Variants in PXDNL observed in about 807,000 individuals in gnomAD.
The protein encoded by PXDNL is peroxidasin like.
PXDNL carries 145 observed loss-of-function variants against 150.8 expected under a neutral mutation model. That is an observed-to-expected ratio of 0.96 (90% CI 0.84 to 1.10). The LOEUF (loss-of-function observed/expected upper bound fraction) is 1.10. PXDNL is among the 50% of genes least tolerant of loss of function. The probability of loss-of-function intolerance (pLI) is 0.00; values close to 1 mark genes in which losing one functional copy is unlikely to be tolerated. For synonymous variants in PXDNL, 757 were observed against 725.7 expected (o/e 1.04, Z -0.69); for missense variants, 2,087 against 1,873.9 (o/e 1.11, Z -2.10).
intron 7 of PXDNL, among the ~76,000 whole-genome samples, chr8:51,474,607 A>T (rs905405566): frequency 6.6e-6 from 1 of 152,158 alleles, no homozygotes; most frequent in Non-Finnish European, 1.5e-5. Context: ...TAAAGTTGAA[A>T]CCCCTAAATT....
rs192753389 is a variant in PXDNL at position 51,390,901 on chromosome 8, C to T, written c.3558-16170G>A. On this transcript the variant is annotated intron_variant, in intron 17 of 22. Coordinates refer to ENST00000356297, the MANE Select transcript of PXDNL (RefSeq NM_144651.5). ...CTAATGCTATCCCTCCCCCCTCCTCCGACCCCACAACAGTCCCCAGAGTGT... is the reference window on the plus strand; with the variant it reads ...CTAATGCTATCCCTCCCCCCTCCTCTGACCCCACAACAGTCCCCAGAGTGT... 7.2e-5 allele frequency among the ~76,000 whole-genome samples: 11 copies of T among 152,124 alleles called. No homozygotes were observed. In the East Asian group the frequency reaches 1.5e-3, roughly 21 times the overall value.
At chr8:51,575,170 A>C (rs1813023652) in intron 3 of PXDNL, among the ~76,000 whole-genome samples, 1 of 152,002 alleles carries the variant, frequency 6.6e-6, no homozygotes, top group Admixed American at 6.6e-5. Flanking sequence ...TTTATACTTA[A>C]ATAGAATGAT....
chr8:51,800,052 A>C (rs562503329), intron 1 of PXDNL, among the ~76,000 whole-genome samples: 1 of 152,296 alleles, frequency 6.6e-6, no homozygotes, highest in East Asian at 1.9e-4. Flanking sequence ...AGTAGTCATC[A>C]ACACAGGTGA....
intron 17 of PXDNL, among the ~76,000 whole-genome samples, chr8:51,399,792 C>T (rs968167750): frequency 2.0e-5 from 3 of 152,172 alleles, no homozygotes; most frequent in East Asian, 1.9e-4. Flanking sequence ...GATTTAAAGA[C>T]GAAATGCATT....
chr8:51,657,429 T>C (rs189667662), intron 1 of PXDNL, among the ~76,000 whole-genome samples: 1 of 152,366 alleles, frequency 6.6e-6, no homozygotes, highest in Admixed American at 6.5e-5. Context: ...GTTCCTTGTC[T>C]ACACATAAAG....
intron 17 of PXDNL, among the ~76,000 whole-genome samples, chr8:51,403,454 C>G: frequency 6.6e-6 from 1 of 152,138 alleles, no homozygotes; most frequent in Non-Finnish European, 1.5e-5. Flanking sequence ...GTTCCATGTA[C>G]AATTCCACTT....
intron 3 of PXDNL, among the ~76,000 whole-genome samples, chr8:51,577,995 G>GAAAGAAAGAAAGAA: frequency 2.1e-5 from 1 of 47,876 alleles, no homozygotes; most frequent in South Asian, 6.9e-4. Context: ...AAGAAAGAAA[G>GAAAGAAAGAAAGAA]AAAGAGGAAG....
chr8:51,568,926 T>C (rs548232747), intron 3 of PXDNL, among the ~76,000 whole-genome samples: 2 of 152,014 alleles, frequency 1.3e-5, no homozygotes, highest in African/African-American at 4.8e-5. Context: ...TACAGTGTTT[T>C]TATTTCTAGA....
intron 1 of PXDNL, among the ~76,000 whole-genome samples, chr8:51,778,851 G>A (rs932618038): frequency 2.0e-5 from 3 of 152,162 alleles, no homozygotes; most frequent in Non-Finnish European, 4.4e-5. Flanking sequence ...CAGTTCTTGC[G>A]AGTATTCTTC....
chr8:51,605,247 G>T (rs1314015965), intron 2 of PXDNL, among the ~76,000 whole-genome samples: 6 of 152,074 alleles, frequency 3.9e-5, no homozygotes, highest in African/African-American at 1.4e-4. Context: ...AAATAATTTT[G>T]AATGAGTCAA....
intron 4 of PXDNL, among the ~76,000 whole-genome samples, chr8:51,527,148 C>A (rs1811786711): frequency 6.6e-6 from 1 of 152,188 alleles, no homozygotes; most frequent in African/African-American, 2.4e-5. Flanking sequence ...GCCAGAATAT[C>A]TTCCCAAAAT....
intron 5 of PXDNL, among the ~76,000 whole-genome samples, chr8:51,490,263 A>T (rs371607407): frequency 2.2e-4 from 34 of 152,318 alleles, no homozygotes; most frequent in Admixed American, 1.2e-3. Context: ...TAATATTTAC[A>T]CATAGAGAAA....
At chr8:51,704,545 A>G (rs958050262) in intron 1 of PXDNL, among the ~76,000 whole-genome samples, 3 of 152,340 alleles carry the variant, frequency 2.0e-5, no homozygotes, top group Admixed American at 2.0e-4. Context: ...CCACTTTACT[A>G]GTTAAGAACA....
intron 4 of PXDNL, among the ~76,000 whole-genome samples, chr8:51,520,986 G>A (rs893610312): frequency 9.2e-5 from 14 of 152,180 alleles, no homozygotes; most frequent in Non-Finnish European, 1.8e-4. Context: ...CTTCGGCTGG[G>A]TGGGAGGAGG....
chr8:51,481,635 G>T (rs768207410), intron 6 of PXDNL, among the ~76,000 whole-genome samples: 5 of 152,156 alleles, frequency 3.3e-5, no homozygotes, highest in Admixed American at 2.0e-4. Flanking sequence ...TCATGGACTG[G>T]GCCTAGGGCC....
chr8:51,638,379 T>A (rs1327555741), intron 2 of PXDNL, among the ~76,000 whole-genome samples: 1 of 152,160 alleles, frequency 6.6e-6, no homozygotes, highest in Non-Finnish European at 1.5e-5. Flanking sequence ...ATGGGCTAAA[T>A]GCTCCAATTA....
At position 51,608,396 on chromosome 8, in the gene PXDNL, A is replaced by AG. The variant is rs1263009822; in HGVS notation, c.237-15699_237-15698insC. ...AGGGAGAGACTCCGTCAAAAAAAAA[A>AG]AAAAAAAGAAAGAAAGGAAGGAAGG... On this transcript the variant is annotated intron_variant, in intron 2 of 22. Coordinates refer to ENST00000356297, the MANE Select transcript of PXDNL (RefSeq NM_144651.5). Among the ~76,000 whole-genome samples, 4 of 145,982 alleles carry AG rather than the reference A, an allele frequency of 2.7e-5. 1 individual carries two copies. The highest frequency in any genetic ancestry group is 1.1e-4 in the African/African-American group (4 of 36,832).
chr8:51,378,818 C>G (rs1480185417), intron 17 of PXDNL, among the ~76,000 whole-genome samples: 1 of 152,174 alleles, frequency 6.6e-6, no homozygotes, highest in Non-Finnish European at 1.5e-5. Flanking sequence ...GCCAGCAAGA[C>G]TATGAACCCA....
At position 51,474,972 on chromosome 8, in the gene PXDNL, G is replaced by C. The variant is rs77835065; in HGVS notation, c.694C>G (p.Gln232Glu). 4,101 of 1,586,868 alleles carry C rather than the reference G, an allele frequency of 2.6e-3. 82 individuals carry two copies. The African/African-American group carries it at 0.047, about 18-fold the overall frequency. ...ASVTVEEFNC[Q>E]SPRITFEPQD... The stretch of plus-strand genomic sequence containing the variant: ...TATGTACACATTGAAATTTACGTAC[G>C]GCAATTGAATTCCTCTACTGTTACT... Residue 232 changes from glutamine (Q) to glutamate (E), a missense_variant and splice_region_variant, in exon 7 of 23, where the codon CAG becomes GAG. Transcript: ENST00000356297.
Sources: gnomAD v4.1 joint callset for allele counts (sites outside exome capture counted in the v4.1 genomes callset) on GRCh38, gnomAD v4.1.1 for gene constraint, MANE v1.5 for transcripts, NCBI Gene and HGNC (gene_info 2026-07-23, HGNC 2026-07-21) for gene names.